Variants in CCNB3 observed in about 807,000 individuals in gnomAD.
CCNB3 encodes G2/mitotic-specific cyclin-B3.
In CCNB3, 12 loss-of-function variants were observed where a neutral mutation model predicts 68.0. The ratio of observed to expected loss-of-function variants is 0.18; its 90% CI spans 0.11 to 0.29. The LOEUF is 0.29. Among genes scored for constraint, CCNB3 ranks in the 10% least tolerant of loss-of-function variants. CCNB3 has a pLI of 1.00. For synonymous variants in CCNB3, 354 were observed against 388.9 expected (o/e 0.91, Z 1.06); for missense variants, 904 against 993.1 (o/e 0.91, Z 1.21).
At position 50,220,142 on chromosome X, in the gene CCNB3, G is replaced by A. The variant is rs1055282348; in HGVS notation, c.-113+15192G>A. On this transcript the variant is annotated intron_variant, in intron 1 of 12. Transcript: ENST00000376042. ...TGTATCCTGAGACTTTGCTGAAGTT[G>A]CTTATCAGCTTAAGGAGATTTTGGG... Among the ~76,000 whole-genome samples, 4 of 111,831 alleles carry A rather than the reference G, an allele frequency of 3.6e-5. No homozygotes were observed. In the Admixed American group the frequency reaches 3.8e-4, roughly 11 times the overall value.
In CCNB3 at chrX:50,310,926, T is replaced by C. The variant is rs1557214759; in HGVS notation, c.2757T>C (p.Ser919=). The change falls in exon 6 of 13, where the codon TCT becomes TCC. Residue 919 remains serine (S), a synonymous_variant. Transcript: ENST00000376042. ...LLKKPLALKM[S]TINEAVLFED... Reference sequence around the variant, plus strand: ...AAAAGCCATTAGCCTTGAAGATGTCTACCATCAATGAGGCAGTCCTCTTCG... The same window carrying C: ...AAAAGCCATTAGCCTTGAAGATGTCCACCATCAATGAGGCAGTCCTCTTCG... 3 of 1,212,100 alleles carry C rather than the reference T, an allele frequency of 2.5e-6. No individual in the cohort carries two copies. In the South Asian group the frequency reaches 5.3e-5, roughly 21 times the overall value.
chrX:50,281,308 G>A (rs758985457), intron 1 of CCNB3, among the ~76,000 whole-genome samples: 115 of 111,297 alleles, frequency 1.0e-3, no homozygotes, highest in African/African-American at 3.7e-3. Context: ...CAACTGGGCT[G>A]GTGGAGGGTC....
At chrX:50,303,306 C>T (rs1266135365) in intron 5 of CCNB3, among the ~76,000 whole-genome samples, 8 of 110,805 alleles carry the variant, frequency 7.2e-5, no homozygotes, top group Middle Eastern at 4.7e-3. Flanking sequence ...CAACCACCTC[C>T]GGCTAATTTT....
chrX:50,214,653 AAATAT>A (rs1359089960), intron 1 of CCNB3, among the ~76,000 whole-genome samples: 4 of 100,601 alleles, frequency 4.0e-5, no homozygotes, highest in Non-Finnish European at 8.0e-5. Context: ...ATATATAATG[AAATAT>A]AATATATAAT....
intron 1 of CCNB3, among the ~76,000 whole-genome samples, chrX:50,226,305 G>GAATATATATATAA (rs1935791651): frequency 1.8e-4 from 3 of 16,514 alleles, no homozygotes; most frequent in Non-Finnish European, 2.7e-4. Context: ...TATATATATA[G>GAATATATATATAA]AAATATATAA....
chrX:50,209,424 C>T (rs1374084821), intron 1 of CCNB3, among the ~76,000 whole-genome samples: 1 of 110,813 alleles, frequency 9.0e-6, no homozygotes, highest in Non-Finnish European at 1.9e-5. Flanking sequence ...GGCGCGATCT[C>T]AGCTCACTGC....
intron 6 of CCNB3, among the ~76,000 whole-genome samples, chrX:50,312,155 A>G (rs1921497999): frequency 9.0e-6 from 1 of 111,192 alleles, no homozygotes; most frequent in African/African-American, 3.3e-5. Context: ...GTAAAGGTAT[A>G]GAAAGGAGGA....
At chrX:50,338,262 G>C (rs1037687429) in intron 8 of CCNB3, among the ~76,000 whole-genome samples, 19 of 112,550 alleles carry the variant, frequency 1.7e-4, no homozygotes, top group Non-Finnish European at 1.3e-4. Flanking sequence ...AAGAAATGTA[G>C]CAGGATGAGC....
At position 50,214,597 on chromosome X, in the gene CCNB3, A is replaced by G. The variant is rs1169209228; in HGVS notation, c.-113+9647A>G. Among the ~76,000 whole-genome samples, 646 of 93,585 alleles carry G rather than the reference A, an allele frequency of 6.9e-3. 8 individuals carry two copies. Among genetic ancestry groups the G allele is most frequent in the African/African-American group, 0.023 (614 of 27,003 alleles). The allele number at this position is 93,585 out of a possible 115,157, so 81.3% of individuals were successfully genotyped here. A position where few individuals can be genotyped will look rare whatever the true frequency, so the allele number is the denominator to read the frequency against. ...CTCTCTCCCTATATATGTACAATAT[A>G]TATTTTATTAAATAGTATATAATAT... On this transcript the variant is annotated intron_variant, in intron 1 of 12. Transcript: ENST00000376042.
At chrX:50,207,678 C>T (rs1487757605) in intron 1 of CCNB3, among the ~76,000 whole-genome samples, 5 of 111,718 alleles carry the variant, frequency 4.5e-5, no homozygotes, top group African/African-American at 1.6e-4. Context: ...CCTTGCCACT[C>T]TTCAATGTAA....
At chrX:50,323,328 C>T (rs1206455715) in intron 8 of CCNB3, among the ~76,000 whole-genome samples, 5 of 106,892 alleles carry the variant, frequency 4.7e-5, no homozygotes, top group Non-Finnish European at 9.6e-5. Flanking sequence ...GACAAAAAAC[C>T]AAACACCGCA....
At chrX:50,226,340 A>T (rs1179008607) in intron 1 of CCNB3, among the ~76,000 whole-genome samples, 1 of 69,116 alleles carries the variant, frequency 1.4e-5, no homozygotes, top group East Asian at 4.6e-4. Context: ...ATATATATAT[A>T]GAATATATAT....
At chrX:50,294,837 C>G (rs781809453) in intron 4 of CCNB3, 26 bp from the exon 5 acceptor site, 58 of 1,178,213 alleles carry the variant, frequency 4.9e-5, no homozygotes, top group Non-Finnish European at 6.0e-5. Flanking sequence ...CTTCCCCTGC[C>G]CCCCAACCCA....
chrX:50,209,107 T>A (rs2146973166), intron 1 of CCNB3, among the ~76,000 whole-genome samples: 1 of 109,224 alleles, frequency 9.2e-6, no homozygotes, highest in African/African-American at 3.3e-5. Context: ...TTAAAAAACC[T>A]TTCATTGAGG....
chrX:50,303,624 C>A (rs1159774793), intron 5 of CCNB3, among the ~76,000 whole-genome samples: 1 of 110,369 alleles, frequency 9.1e-6, no homozygotes, highest in African/African-American at 3.3e-5. Context: ...TTTTTTTATG[C>A]TTTTATTTCT....
chrX:50,222,736 A>G (rs1251694423), intron 1 of CCNB3, among the ~76,000 whole-genome samples: 1 of 110,659 alleles, frequency 9.0e-6, no homozygotes, highest in Admixed American at 9.7e-5. Flanking sequence ...TCTGATGATT[A>G]TGTGTCTTGG....
At chrX:50,281,843 C>A in intron 1 of CCNB3, among the ~76,000 whole-genome samples, 1 of 111,464 alleles carries the variant, frequency 9.0e-6, no homozygotes, top group Non-Finnish European at 1.9e-5. Context: ...TTTTGAGCTA[C>A]AGGTTGAAGG....
At chrX:50,289,315 C>G (rs1936305313) in intron 4 of CCNB3, among the ~76,000 whole-genome samples, 1 of 110,860 alleles carries the variant, frequency 9.0e-6, no homozygotes, top group Non-Finnish European at 1.9e-5. Context: ...ACCCCTCGTC[C>G]TCAGGCATTA....
At chrX:50,291,266 G>C (rs782196567) in intron 4 of CCNB3, among the ~76,000 whole-genome samples, 1 of 111,537 alleles carries the variant, frequency 9.0e-6, no homozygotes, top group Non-Finnish European at 1.9e-5. Context: ...ATGGTTTTGC[G>C]TAAGTAGGAC....
Sources: gnomAD v4.1 joint callset for allele counts (sites outside exome capture counted in the v4.1 genomes callset) on GRCh38, gnomAD v4.1.1 for gene constraint, MANE v1.5 for transcripts, NCBI Gene and HGNC (gene_info 2026-07-23, HGNC 2026-07-21) for gene names.